The following PBX4 variants were observed in gnomAD, a reference collection of about 807,000 sequenced individuals.
PBX4 encodes PBX homeobox 4.
PBX4 carries 26 observed loss-of-function variants against 35.1 expected under a neutral mutation model. The observed-to-expected ratio is 0.74, with a 90% confidence interval of 0.54 to 1.03. PBX4 has a LOEUF of 1.03. Ranked by LOEUF, PBX4 falls within the 50% of genes least tolerant of loss-of-function variation. The pLI is 0.00. For missense variants in PBX4, 448 were observed against 504.3 expected (o/e 0.89, Z 1.07); for synonymous variants, 199 against 204.2 (o/e 0.97, Z 0.22).
In PBX4 at chr19:19,570,608, G is replaced by A. The variant is rs375066211; in HGVS notation, c.419C>T (p.Ser140Phe). The A allele has an allele frequency of 2.5e-6, 4 of 1,614,074 alleles. No individual in the cohort carries two copies. In the African/African-American group the frequency reaches 5.3e-5, roughly 22 times the overall value. ...KLSQIRQIYH[S>F]ELEKYEQACR... ...CACCTGTTCATATTTCTCTAGCTCA[G>A]AGTGGTAAATCTGTCGGATCTGGGA... The change falls in exon 3 of 8, where the codon TCT (serine) becomes TTT (phenylalanine). Residue 140 changes from serine to phenylalanine, a missense_variant. Ser to Phe is a radical substitution (Grantham distance 155). Transcript: ENST00000251203.
chr19:19,612,939 C>T (rs2061670468), intron 1 of PBX4, among the ~76,000 whole-genome samples: 1 of 151,928 alleles, frequency 6.6e-6, no homozygotes, highest in African/African-American at 2.4e-5. Context: ...CTGCCTCAGC[C>T]TCCTCAGTAG....
At position 19,571,969 on chromosome 19, in the gene PBX4, G is replaced by A. The variant is rs1372406077; in HGVS notation, c.194-1136C>T. On this transcript the variant is annotated intron_variant, in intron 2 of 7. Coordinates refer to ENST00000251203, the MANE Select transcript of PBX4 (RefSeq NM_025245.3). The stretch of plus-strand genomic sequence containing the variant: ...AATCACTTGAACCTGGGAGGCAGAG[G>A]ATGCAGTGAGCTGAGATCTTGCCAC... Among the ~76,000 whole-genome samples, 11 of 146,736 alleles carry A rather than the reference G, an allele frequency of 7.5e-5. No individual in the cohort carries two copies. In the East Asian group the frequency reaches 2.3e-3, roughly 30 times the overall value.
chr19:19,615,330 G>A (rs1224026939), intron 1 of PBX4, among the ~76,000 whole-genome samples: 1 of 151,584 alleles, frequency 6.6e-6, no homozygotes, highest in Non-Finnish European at 1.5e-5. Flanking sequence ...CTGGGTGACA[G>A]AGCGCGGCCT....
At chr19:19,603,665 T>G (rs1453332836) in intron 1 of PBX4, among the ~76,000 whole-genome samples, 1 of 152,102 alleles carries the variant, frequency 6.6e-6, no homozygotes. Context: ...GATGCAAGGA[T>G]AGAGTAAATG....
chr19:19,573,878 C>T (rs1026174389), intron 2 of PBX4, among the ~76,000 whole-genome samples: 9 of 152,066 alleles, frequency 5.9e-5, no homozygotes, highest in African/African-American at 2.4e-5. Flanking sequence ...TACAGGCGCT[C>T]GCCACCATGC....
At chr19:19,569,210 C>T (rs1396395408) in intron 5 of PBX4, among the ~76,000 whole-genome samples, 1 of 152,154 alleles carries the variant, frequency 6.6e-6, no homozygotes, top group Non-Finnish European at 1.5e-5. Flanking sequence ...AGGTGCACAC[C>T]ACCAAGCCCA....
intron 2 of PBX4, among the ~76,000 whole-genome samples, chr19:19,583,447 C>CA (rs937213113): frequency 6.6e-5 from 10 of 151,706 alleles, no homozygotes; most frequent in African/African-American, 2.4e-4. Flanking sequence ...CCCATCTCTA[C>CA]AAAAAATTTT....
chr19:19,570,859 C>A, intron 2 of PBX4, 26 bp from the exon 3 acceptor site: 2 of 1,603,938 alleles, frequency 1.2e-6, no homozygotes, highest in South Asian at 1.1e-5. Flanking sequence ...CGGGACAAGT[C>A]ACAATTCATT....
At chr19:19,581,486 C>T (rs1488764952) in intron 2 of PBX4, among the ~76,000 whole-genome samples, 1 of 152,198 alleles carries the variant, frequency 6.6e-6, no homozygotes. Flanking sequence ...TGCCTGCTTC[C>T]CCTCTGCGTC....
intron 2 of PBX4, among the ~76,000 whole-genome samples, chr19:19,583,211 G>T (rs2061466645): frequency 6.6e-6 from 1 of 152,134 alleles, no homozygotes; most frequent in Non-Finnish European, 1.5e-5. Flanking sequence ...CCTGGGAGGT[G>T]GAGCTTGCAG....
At chr19:19,609,084 CAGCT>C (rs1420568072) in intron 1 of PBX4, among the ~76,000 whole-genome samples, 4 of 152,220 alleles carry the variant, frequency 2.6e-5, no homozygotes, top group Non-Finnish European at 4.4e-5. Context: ...GGCACCCAAT[CAGCT>C]GGGCTCCTCT....
At chr19:19,599,053 C>T (rs2061579097) in intron 2 of PBX4, among the ~76,000 whole-genome samples, 1 of 151,888 alleles carries the variant, frequency 6.6e-6, no homozygotes, top group Non-Finnish European at 1.5e-5. Flanking sequence ...ACCGCAACCT[C>T]CACCTCCCAG....
At chr19:19,600,648 G>A (rs1189506842) in intron 1 of PBX4, among the ~76,000 whole-genome samples, 5 of 151,640 alleles carry the variant, frequency 3.3e-5, no homozygotes, top group African/African-American at 4.8e-5. Context: ...GTGAAACCCC[G>A]TCTCTACTAA....
intron 2 of PBX4, among the ~76,000 whole-genome samples, chr19:19,597,087 G>A (rs989424021): frequency 1.3e-5 from 2 of 152,000 alleles, no homozygotes; most frequent in Admixed American, 6.6e-5. Context: ...GGTGGCAGGC[G>A]CCTGTAATCC....
At chr19:19,566,786 C>G (rs1480793788) in intron 5 of PBX4, among the ~76,000 whole-genome samples, 1 of 150,386 alleles carries the variant, frequency 6.6e-6, no homozygotes, top group Non-Finnish European at 1.5e-5. Flanking sequence ...CCTCAACTCA[C>G]TGCAACCTCC....
At chr19:19,613,931 A>G (rs2061675808) in intron 1 of PBX4, among the ~76,000 whole-genome samples, 1 of 152,144 alleles carries the variant, frequency 6.6e-6, no homozygotes, top group East Asian at 1.9e-4. Context: ...TCCTGTTATA[A>G]CAATTATTTA....
Position 19,562,187 on chromosome 19 carries a change from C to A in PBX4, c.1033-70G>T. 1.7e-6 allele frequency: 2 copies of A among 1,189,382 alleles called. No homozygotes were observed. Among genetic ancestry groups the A allele is most frequent in the Non-Finnish European group, 2.4e-6 (2 of 838,700 alleles). 73.7% of individuals were successfully genotyped at this position (1,189,382 alleles called of 1,614,324 possible). On this transcript the variant is annotated intron_variant, in intron 7 of 7. Coordinates refer to ENST00000251203, the MANE Select transcript of PBX4 (RefSeq NM_025245.3). The surrounding 1 kb of genome is among the most constrained non-coding windows in gnomAD (Gnocchi z 4.8). ...TGGTGACTACCCAGCCCACGTGCTGCAGGCGGAGCCTCCAGGGGTCCCTGG... is the reference window on the plus strand; with the variant it reads ...TGGTGACTACCCAGCCCACGTGCTGAAGGCGGAGCCTCCAGGGGTCCCTGG...
rs1385295062 is a variant in PBX4 at position 19,562,757 on chromosome 19, TG to T, written c.1033-641del. 1.3e-5 allele frequency among the ~76,000 whole-genome samples: 2 copies of T among 152,120 alleles called. No individual in the cohort carries two copies. The highest frequency in any genetic ancestry group is 2.9e-5 in the Non-Finnish European group (2 of 68,008). ...CACCTGGGGGCACTCTGCTCTGAACTGGGGTGGACACACAGCTGCTGGCGCG... is the reference window on the plus strand; with the variant it reads ...CACCTGGGGGCACTCTGCTCTGAACTGGGTGGACACACAGCTGCTGGCGCG... On this transcript the variant is annotated intron_variant, in intron 7 of 7. Transcript: ENST00000251203. The surrounding 1 kb of genome is among the most constrained non-coding windows in gnomAD (Gnocchi z 4.8).
intron 1 of PBX4, among the ~76,000 whole-genome samples, chr19:19,610,189 G>T (rs1358923737): frequency 2.6e-5 from 4 of 152,166 alleles, no homozygotes; most frequent in Non-Finnish European, 4.4e-5. Context: ...TGAGACGGGC[G>T]GATCACCTGA....
Sources: allele counts gnomAD v4.1 joint callset (sites outside exome capture counted in the v4.1 genomes callset), GRCh38; gene constraint gnomAD v4.1.1; non-coding constraint Gnocchi (gnomAD v3.1); transcripts MANE v1.5; gene names NCBI Gene and HGNC (gene_info 2026-07-23, HGNC 2026-07-21).